Variants in PAK5 observed in about 807,000 individuals in gnomAD.
The protein encoded by PAK5 is p21 (RAC1) activated kinase 5.
Under a neutral mutation model 65.9 loss-of-function variants are expected in PAK5, and 16 were observed. That is an observed-to-expected ratio of 0.24 (90% confidence interval 0.16 to 0.37). The LOEUF (loss-of-function observed/expected upper bound fraction) is 0.37, where lower values mean the gene tolerates loss of function less well. Ranked by LOEUF, PAK5 falls within the 10% of genes least tolerant of loss-of-function variation. The pLI is 1.00. For missense variants in PAK5, 785 were observed against 903.9 expected, an observed-to-expected ratio of 0.87 and a Z score of 1.69; for synonymous variants, 371 against 354.9, an observed-to-expected ratio of 1.05 and a Z score of -0.51.
At chr20:9,593,845 T>C (rs2046217868) in intron 3 of PAK5, among the ~76,000 whole-genome samples, 1 of 152,024 alleles carries the variant, frequency 6.6e-6, no homozygotes, top group Non-Finnish European at 1.5e-5. Flanking sequence ...TCTCTCTCTC[T>C]CCCCCTCCTT....
intron 1 of PAK5, among the ~76,000 whole-genome samples, chr20:9,766,543 ATATATAT>A: frequency 8.3e-5 from 10 of 120,544 alleles, no homozygotes; most frequent in African/African-American, 3.1e-4. Context: ...ATATATATAT[ATATATAT>A]TTTCAAGCAG....
At chr20:9,779,155 T>C (rs903886852) in intron 1 of PAK5, among the ~76,000 whole-genome samples, 1 of 152,084 alleles carries the variant, frequency 6.6e-6, no homozygotes, top group African/African-American at 2.4e-5. Flanking sequence ...ATCACTGATA[T>C]TTATCAATAT....
chr20:9,744,941 G>A (rs1259489041), intron 1 of PAK5, among the ~76,000 whole-genome samples: 2 of 152,074 alleles, frequency 1.3e-5, no homozygotes, highest in East Asian at 1.9e-4. Context: ...AGTGGTTTAG[G>A]TTGCCCATGG....
chr20:9,672,593 C>G (rs1449677016), intron 2 of PAK5, among the ~76,000 whole-genome samples: 1 of 151,976 alleles, frequency 6.6e-6, no homozygotes, highest in Non-Finnish European at 1.5e-5. Context: ...CCTTCACCTT[C>G]TGCCGTGATT....
intron 1 of PAK5, among the ~76,000 whole-genome samples, chr20:9,721,552 C>T (rs2123520184): frequency 6.8e-6 from 1 of 146,260 alleles, no homozygotes; most frequent in South Asian, 2.2e-4. Context: ...ACTCGGGAGG[C>T]TGAGGCAGGA....
At chr20:9,822,302 A>AAG (rs1392850788) in intron 1 of PAK5, among the ~76,000 whole-genome samples, 2 of 152,044 alleles carry the variant, frequency 1.3e-5, no homozygotes, top group African/African-American at 4.8e-5. Flanking sequence ...AAAAAAAAAA[A>AAG]AAAAAAGCAA....
intron 1 of PAK5, among the ~76,000 whole-genome samples, chr20:9,754,912 C>T (rs897962422): frequency 2.6e-5 from 4 of 152,138 alleles, no homozygotes; most frequent in African/African-American, 9.7e-5. Flanking sequence ...ACTCAACTAC[C>T]TTTGTCTATC....
chr20:9,545,667 G>T (rs1337058865), intron 7 of PAK5, among the ~76,000 whole-genome samples: 1 of 151,872 alleles, frequency 6.6e-6, no homozygotes, highest in Non-Finnish European at 1.5e-5. Context: ...TCTCTTCTTA[G>T]ATTCTCTTAC....
At position 9,580,808 on chromosome 20, in the gene PAK5, A is replaced by T; in HGVS notation, c.327T>A (p.Asp109Glu). The T allele has an allele frequency of 3.1e-6, 5 of 1,613,876 alleles. No individual in the cohort carries two copies. The highest frequency in any genetic ancestry group is 3.4e-6 in the Non-Finnish European group (4 of 1,179,958). Residue 109 changes from aspartate to glutamate, a missense_variant, in exon 4 of 10, where the codon GAT becomes GAA. By Grantham distance (45) the Asp-to-Glu change is conservative (BLOSUM62 2). Transcript: ENST00000353224. Reference protein sequence around the residue: ...SLRKESPPTPDQGASSHGPGH... With the variant: ...SLRKESPPTPEQGASSHGPGH... ...CTGGACCGTGGCTGGAGGCTCCCTGATCTGGGGTGGGTGGGCTTTCTTTCC... is the reference window on the plus strand; with the variant it reads ...CTGGACCGTGGCTGGAGGCTCCCTGTTCTGGGGTGGGTGGGCTTTCTTTCC...
chr20:9,665,083 C>CTTTTTTTTTTTTTTT (rs1555910631), intron 2 of PAK5, among the ~76,000 whole-genome samples: 1 of 42,582 alleles, frequency 2.3e-5, no homozygotes, highest in African/African-American at 1.1e-4. Context: ...CTAAATTTTT[C>CTTTTTTTTTTTTTTT]TGTTTTTTTT....
intron 2 of PAK5, among the ~76,000 whole-genome samples, chr20:9,679,041 CT>C (rs2047614434): frequency 6.6e-6 from 1 of 152,152 alleles, no homozygotes; most frequent in South Asian, 2.1e-4. Flanking sequence ...TCTGCTACCC[CT>C]GAGACAGCAA....
intron 9 of PAK5, 88 bp from the exon 10 acceptor site, chr20:9,539,705 A>G: frequency 9.4e-7 from 1 of 1,061,674 alleles, no homozygotes; most frequent in African/African-American, 1.6e-5. Flanking sequence ...TCCTATCAAC[A>G]ACTTCAAATT....
chr20:9,789,673 C>A (rs766944427), intron 1 of PAK5, among the ~76,000 whole-genome samples: 8 of 152,100 alleles, frequency 5.3e-5, no homozygotes, highest in Non-Finnish European at 8.8e-5. Context: ...TCCCTGGTTC[C>A]ACATATGATG....
At chr20:9,551,614 A>C (rs1431783233) in intron 7 of PAK5, among the ~76,000 whole-genome samples, 1 of 152,112 alleles carries the variant, frequency 6.6e-6, no homozygotes, top group African/African-American at 2.4e-5. Flanking sequence ...AACTGCATGC[A>C]CTCTAAAGAA....
intron 6 of PAK5, among the ~76,000 whole-genome samples, chr20:9,559,524 G>A (rs2045561196): frequency 6.6e-6 from 1 of 152,218 alleles, no homozygotes; most frequent in Non-Finnish European, 1.5e-5. Flanking sequence ...GCCTTTGGGA[G>A]GCCAAGGTGG....
intron 2 of PAK5, among the ~76,000 whole-genome samples, chr20:9,677,396 C>T (rs993385347): frequency 6.6e-6 from 1 of 152,102 alleles, no homozygotes; most frequent in African/African-American, 2.4e-5. Context: ...ATATATTGGT[C>T]TCTTCTTTCT....
At chr20:9,763,877 C>G (rs1353607840) in intron 1 of PAK5, among the ~76,000 whole-genome samples, 1 of 152,118 alleles carries the variant, frequency 6.6e-6, no homozygotes, top group East Asian at 1.9e-4. Context: ...TACTTAAACA[C>G]ACATACACAT....
At chr20:9,608,586 A>C (rs2123135976) in intron 3 of PAK5, among the ~76,000 whole-genome samples, 1 of 152,366 alleles carries the variant, frequency 6.6e-6, no homozygotes, top group Middle Eastern at 3.4e-3. Flanking sequence ...TTGTTTTCAA[A>C]ATCAGAGGAA....
At chr20:9,792,104 C>A (rs1490144678) in intron 1 of PAK5, among the ~76,000 whole-genome samples, 1 of 152,060 alleles carries the variant, frequency 6.6e-6, no homozygotes, top group Non-Finnish European at 1.5e-5. Flanking sequence ...TATTTTGATC[C>A]CCCCTGCATG....
Sources: allele counts gnomAD v4.1 joint callset (sites outside exome capture counted in the v4.1 genomes callset), GRCh38; gene constraint gnomAD v4.1.1; transcripts MANE v1.5; gene names NCBI Gene and HGNC (gene_info 2026-07-23, HGNC 2026-07-21).